The following IGF1R variants were observed in gnomAD, a reference collection of about 807,000 sequenced individuals.
The protein encoded by IGF1R is insulin-like growth factor 1 receptor.
Under a neutral mutation model 144.6 loss-of-function variants are expected in IGF1R, and 44 were observed. That is an observed-to-expected ratio of 0.30 (90% CI 0.24 to 0.39). The LOEUF (loss-of-function observed/expected upper bound fraction) is 0.39. Ranked by LOEUF, IGF1R falls within the 10% of genes least tolerant of loss-of-function variation. The probability of loss-of-function intolerance (pLI) is 1.00; values close to 1 mark genes in which losing one functional copy is unlikely to be tolerated. For missense variants in IGF1R, 1,355 were observed against 1,833.7 expected (o/e 0.74, Z 4.77); for synonymous variants, 795 against 722.8 (o/e 1.10, Z -1.60).
intron 1 of IGF1R, among the ~76,000 whole-genome samples, chr15:98,685,441 T>G (rs1399821138): frequency 1.3e-5 from 2 of 152,148 alleles, no homozygotes; most frequent in African/African-American, 4.8e-5. Flanking sequence ...GCTTACTTAG[T>G]CTGGGGAGGT....
intron 2 of IGF1R, among the ~76,000 whole-genome samples, chr15:98,808,621 T>C (rs2056516663): frequency 6.6e-6 from 1 of 151,964 alleles, no homozygotes. Flanking sequence ...GTGCCTATAG[T>C]CGTGTGGAAC....
intron 19 of IGF1R, 113 bp downstream of exon 19, chr15:98,943,165 T>G (rs2151719411): frequency 8.0e-7 from 1 of 1,256,852 alleles, no homozygotes; most frequent in Non-Finnish European, 1.2e-6. Flanking sequence ...GTTGCCAGCT[T>G]TAGCTCAGTG....
rs979867412 is a variant in IGF1R at position 98,707,163 on chromosome 15, C to T, written c.95-399C>T. 2.0e-5 allele frequency among the ~76,000 whole-genome samples: 3 copies of T among 152,272 alleles called. No individual in the cohort carries two copies. Among genetic ancestry groups the T allele is most frequent in the Non-Finnish European group, 2.9e-5 (2 of 68,014 alleles). On this transcript the variant is annotated intron_variant, in intron 1 of 20. Transcript: ENST00000650285. The surrounding 1 kb of genome is among the most constrained non-coding windows in gnomAD (Gnocchi z 6.7). ...TATTGATACTTGGCTGCTGAGCTGT[C>T]GTTCAGGCCTTGGCAACTGACGCTC...
intron 2 of IGF1R, among the ~76,000 whole-genome samples, chr15:98,739,542 C>A (rs1285499213): frequency 6.6e-6 from 1 of 152,072 alleles, no homozygotes; most frequent in Non-Finnish European, 1.5e-5. Flanking sequence ...CCTTTTGAAC[C>A]TATACTGCCT....
chr15:98,935,211 T>C lies in IGF1R; in HGVS notation c.3187-105T>C. The C allele has an allele frequency of 9.1e-6, 9 of 986,428 alleles. No individual in the cohort carries two copies. Among genetic ancestry groups the C allele is most frequent in the Non-Finnish European group, 1.4e-5 (9 of 632,260 alleles). 61.1% of individuals were successfully genotyped at this position (986,428 alleles called of 1,614,324 possible). A position where few individuals can be genotyped will look rare whatever the true frequency, so the allele number is the denominator to read the frequency against. On this transcript the variant is annotated intron_variant, in intron 16 of 20. Coordinates refer to ENST00000650285, the MANE Select transcript of IGF1R (RefSeq NM_000875.5). The surrounding 1 kb of genome is among the most constrained non-coding windows in gnomAD (Gnocchi z 4.2). Reference sequence around the variant, plus strand: ...TACCTCACTGCTACCTTCAGACCCCTGTGCTCAGACCAGGCCGCAGCACCA... The same window carrying C: ...TACCTCACTGCTACCTTCAGACCCCCGTGCTCAGACCAGGCCGCAGCACCA...
chr15:98,762,096 A>G (rs1220524248), intron 2 of IGF1R, among the ~76,000 whole-genome samples: 12 of 152,206 alleles, frequency 7.9e-5, no homozygotes, highest in African/African-American at 2.4e-4. Flanking sequence ...CATCTTTGTG[A>G]TGATGTAGCT....
At chr15:98,872,058 C>G (rs1205176199) in intron 2 of IGF1R, among the ~76,000 whole-genome samples, 1 of 152,162 alleles carries the variant, frequency 6.6e-6, no homozygotes, top group African/African-American at 2.4e-5. Flanking sequence ...CCAGTGGGTA[C>G]CTGCATCCTG....
At chr15:98,800,104 G>T (rs2056330536) in intron 2 of IGF1R, among the ~76,000 whole-genome samples, 1 of 152,094 alleles carries the variant, frequency 6.6e-6, no homozygotes, top group Non-Finnish European at 1.5e-5. Context: ...TTCTCATGGT[G>T]ATTTCTGAGA....
intron 1 of IGF1R, among the ~76,000 whole-genome samples, chr15:98,663,263 G>A (rs1359852122): frequency 2.6e-5 from 4 of 152,106 alleles, no homozygotes; most frequent in Non-Finnish European, 4.4e-5. Flanking sequence ...GGCAGGACCC[G>A]CAAAACAGGT....
chr15:98,816,459 A>G (rs2056697969), intron 2 of IGF1R, among the ~76,000 whole-genome samples: 1 of 152,152 alleles, frequency 6.6e-6, no homozygotes, highest in Non-Finnish European at 1.5e-5. Flanking sequence ...TGTCAACCCT[A>G]GCCGGCCATC....
chr15:98,921,938 G>A (rs45539841), intron 10 of IGF1R, among the ~76,000 whole-genome samples: 3 of 152,090 alleles, frequency 2.0e-5, no homozygotes, highest in Non-Finnish European at 4.4e-5. Context: ...GTGGGGGTGA[G>A]AGTTTGTGTG....
intron 2 of IGF1R, among the ~76,000 whole-genome samples, chr15:98,850,304 TCA>T (rs1361294554): frequency 1.3e-5 from 2 of 152,186 alleles, no homozygotes; most frequent in East Asian, 3.8e-4. Flanking sequence ...AGCCAGCCAC[TCA>T]CAGACACAGA....
intron 2 of IGF1R, among the ~76,000 whole-genome samples, chr15:98,776,139 G>T (rs111583168): frequency 0.036 from 5,397 of 151,644 alleles, 165 homozygotes; most frequent in Non-Finnish European, 0.054. Flanking sequence ...AGGGGCAAGA[G>T]AAATTTTTAT....
rs537770561 is a variant in IGF1R, at chr15:98,925,932, C to T, written c.2782+1248C>T. Among the ~76,000 whole-genome samples, 100 of 152,060 alleles carry T rather than the reference C, an allele frequency of 6.6e-4. No individual in the cohort carries two copies. The South Asian group carries it at 8.5e-3, about 13-fold the overall frequency. ...AAAAAGGAAAAAAAACAAAAAACAG[C>T]GCACTCAATAGGTCCAGCAATCTCA... On this transcript the variant is annotated intron_variant, in intron 13 of 20. Transcript: ENST00000650285.
rs550683737 is a variant in IGF1R, at chr15:98,690,641, T to C, written c.95-16921T>C. Reference sequence around the variant, plus strand: ...TTAATATGTGAATGTATGTTTCTTATGGAAATTAGAACAATACACAGTTAC... The same window carrying C: ...TTAATATGTGAATGTATGTTTCTTACGGAAATTAGAACAATACACAGTTAC... On this transcript the variant is annotated intron_variant, in intron 1 of 20. Coordinates refer to ENST00000650285, the MANE Select transcript of IGF1R (RefSeq NM_000875.5). Among the ~76,000 whole-genome samples, 12 of 152,352 alleles carry C rather than the reference T, an allele frequency of 7.9e-5. No homozygotes were observed. The South Asian group carries it at 2.3e-3, about 29-fold the overall frequency.
At chr15:98,773,775 G>A (rs896676633) in intron 2 of IGF1R, among the ~76,000 whole-genome samples, 1 of 152,172 alleles carries the variant, frequency 6.6e-6, no homozygotes, top group African/African-American at 2.4e-5. Flanking sequence ...GCTCTGGGAA[G>A]CAGTGCTCTC....
At chr15:98,936,911 A>T (rs954204182) in intron 17 of IGF1R, among the ~76,000 whole-genome samples, 1 of 151,798 alleles carries the variant, frequency 6.6e-6, no homozygotes, top group Non-Finnish European at 1.5e-5. Flanking sequence ...TTCGAGATGG[A>T]GTTTTGCTCT....
intron 2 of IGF1R, among the ~76,000 whole-genome samples, chr15:98,858,983 T>C (rs1005843160): frequency 2.0e-5 from 3 of 152,156 alleles, no homozygotes; most frequent in Admixed American, 6.5e-5. Flanking sequence ...TCTGTTGTGG[T>C]TGTTCCTTAG....
rs528011551 is a variant in IGF1R at position 98,956,964 on chromosome 15, C to T, written c.3723-97C>T. ...GGCTGTGTTCAGTGCTCCCGCCGTA[C>T]GCTTGTATGCGGGAAACCACTGCAG... On this transcript the variant is annotated intron_variant, in intron 20 of 20. Coordinates refer to ENST00000650285, the MANE Select transcript of IGF1R (RefSeq NM_000875.5). 2.8e-5 allele frequency: 38 copies of T among 1,353,530 alleles called. No homozygotes were observed. The Admixed American group carries it at 3.0e-4, about 11-fold the overall frequency. The allele number at this position is 1,353,530 out of a possible 1,614,324, so 83.8% of individuals were successfully genotyped here.
Sources: gnomAD v4.1 joint callset for allele counts (sites outside exome capture counted in the v4.1 genomes callset) on GRCh38, gnomAD v4.1.1 for gene constraint, Gnocchi (gnomAD v3.1) non-coding constraint, MANE v1.5 for transcripts, NCBI Gene and HGNC (gene_info 2026-07-23, HGNC 2026-07-21) for gene names.